The following IMMP2L variants were observed in gnomAD, a reference collection of about 807,000 sequenced individuals.
IMMP2L encodes mitochondrial inner membrane protease subunit 2.
Under a neutral mutation model 19.3 loss-of-function variants are expected in IMMP2L, and 18 were observed. The ratio of observed to expected loss-of-function variants is 0.93; its 90% CI spans 0.64 to 1.38. The LOEUF (loss-of-function observed/expected upper bound fraction) is 1.38, where lower values mean the gene tolerates loss of function less well. Ranked by LOEUF, IMMP2L falls within the 40% of genes most tolerant of loss-of-function variation. The probability of loss-of-function intolerance (pLI) is 0.00; values close to 1 mark genes in which losing one functional copy is unlikely to be tolerated. For synonymous variants in IMMP2L, 76 were observed against 73.0 expected, an observed-to-expected ratio of 1.04 and a Z score of -0.21; for missense variants, 233 against 218.2, an observed-to-expected ratio of 1.07 and a Z score of -0.43.
chr7:110,793,385 A>C (rs1398481586), intron 5 of IMMP2L, among the ~76,000 whole-genome samples: 2 of 151,832 alleles, frequency 1.3e-5, no homozygotes, highest in African/African-American at 4.8e-5. Flanking sequence ...ACACCACTGC[A>C]CTCTAGCCTG....
chr7:110,915,955 A>T (rs1813564765), intron 4 of IMMP2L, among the ~76,000 whole-genome samples: 1 of 152,154 alleles, frequency 6.6e-6, no homozygotes, highest in Non-Finnish European at 1.5e-5. Flanking sequence ...CTAATAAGGC[A>T]TTTCTTAGCC....
chr7:111,168,439 T>A (rs944968699), intron 3 of IMMP2L, among the ~76,000 whole-genome samples: 3 of 151,924 alleles, frequency 2.0e-5, no homozygotes, highest in Admixed American at 2.0e-4. Flanking sequence ...GCCAGTCTTA[T>A]AAGTTGAGAG....
chr7:111,052,690 C>T (rs888509229), intron 3 of IMMP2L, among the ~76,000 whole-genome samples: 1 of 152,184 alleles, frequency 6.6e-6, no homozygotes, highest in Non-Finnish European at 1.5e-5. Flanking sequence ...TGGCCACAGT[C>T]ACTCATATTT....
At chr7:111,239,295 T>C (rs956797230) in intron 3 of IMMP2L, among the ~76,000 whole-genome samples, 2 of 151,952 alleles carry the variant, frequency 1.3e-5, no homozygotes, top group Non-Finnish European at 2.9e-5. Context: ...ATATTCTTTA[T>C]GATCAAGCCT....
At chr7:111,131,896 A>T (rs1428769871) in intron 3 of IMMP2L, among the ~76,000 whole-genome samples, 1 of 151,830 alleles carries the variant, frequency 6.6e-6, no homozygotes, top group Non-Finnish European at 1.5e-5. Flanking sequence ...AAACCAAATG[A>T]CTCAACACCA....
chr7:110,884,311 A>G (rs982373011), intron 5 of IMMP2L, among the ~76,000 whole-genome samples: 2 of 152,018 alleles, frequency 1.3e-5, no homozygotes, highest in Non-Finnish European at 2.9e-5. Flanking sequence ...AATTACTGAG[A>G]GAAATGCTTA....
At chr7:110,775,381 C>G (rs957395921) in intron 5 of IMMP2L, among the ~76,000 whole-genome samples, 1 of 151,570 alleles carries the variant, frequency 6.6e-6, no homozygotes, top group African/African-American at 2.4e-5. Flanking sequence ...GGTAGTGTCA[C>G]CCGAAACAGA....
chr7:110,707,186 T>C (rs1440721675), intron 5 of IMMP2L, among the ~76,000 whole-genome samples: 2 of 66,638 alleles, frequency 3.0e-5, no homozygotes, highest in Non-Finnish European at 5.8e-5. Flanking sequence ...CCCCAGAGTG[T>C]GATATTCCCC....
chr7:111,097,963 C>A (rs1797581754), intron 3 of IMMP2L, among the ~76,000 whole-genome samples: 1 of 151,640 alleles, frequency 6.6e-6, no homozygotes, highest in Admixed American at 6.6e-5. Flanking sequence ...AAAGATAGAG[C>A]AAGCGAAAAG....
intron 4 of IMMP2L, among the ~76,000 whole-genome samples, chr7:110,890,132 C>A (rs1404049811): frequency 6.6e-6 from 1 of 152,194 alleles, no homozygotes; most frequent in Admixed American, 6.5e-5. Context: ...TACGGTTGCA[C>A]TGTGACTATA....
rs977886003 is a variant in IMMP2L at position 110,757,635 on chromosome 7, A to G, written c.409-93914T>C. On this transcript the variant is annotated intron_variant, in intron 5 of 5. Coordinates refer to ENST00000405709, the MANE Select transcript of IMMP2L (RefSeq NM_032549.4). This position sits in a 1 kb window ranked among gnomAD's most constrained non-coding sequence, Gnocchi z 4.2. ...ACCCATATCTCATATACCGGGTTCT[A>G]TAAGTGCTCCCAGCCCTTGTCCAGC... 2.0e-5 allele frequency among the ~76,000 whole-genome samples: 3 copies of G among 152,148 alleles called. No homozygotes were observed. The highest frequency in any genetic ancestry group is 4.8e-5 in the African/African-American group (2 of 41,442).
intron 5 of IMMP2L, among the ~76,000 whole-genome samples, chr7:110,666,986 C>A (rs143367086): frequency 6.6e-6 from 1 of 152,082 alleles, no homozygotes; most frequent in East Asian, 1.9e-4. Flanking sequence ...ATTCTCCTGC[C>A]TCAGCCTCCT....
rs151052140 is a variant in IMMP2L at position 111,516,560 on chromosome 7, T to C, written c.135+4753A>G. On this transcript the variant is annotated intron_variant, in intron 2 of 5. Transcript: ENST00000405709. ...ATAAAGTTGGTATTTAAATAACAGA[T>C]ATAACCCTGGCTATATAAAACAGAA... Among the ~76,000 whole-genome samples the C allele has an allele frequency of 3.9e-3, 597 of 152,160 alleles. 3 individuals carry two copies. The highest frequency in any genetic ancestry group is 0.013 in the African/African-American group (532 of 41,530).
At chr7:111,030,880 GTGTGTATATATATATA>G (rs1296160584) in intron 3 of IMMP2L, among the ~76,000 whole-genome samples, 2 of 17,182 alleles carry the variant, frequency 1.2e-4, no homozygotes, top group South Asian at 1.6e-3. Context: ...GTGTGTGTGT[GTGTGTATATATATATA>G]TATATATATA....
chr7:111,030,906 AT>A lies in IMMP2L; in HGVS notation c.240-67342del, dbSNP rs1563176347. Among the ~76,000 whole-genome samples, 8 of 141,004 alleles carry A rather than the reference AT, an allele frequency of 5.7e-5. 1 individual carries two copies. The highest frequency in any genetic ancestry group is 2.9e-4 in the Admixed American group (4 of 13,992). The allele number at this position is 141,004 out of a possible 152,430, so 92.5% of individuals were successfully genotyped here. ...TGTGTATATATATATATATATATAT[AT>A]ATATATATATATATATATAAAATAT... On this transcript the variant is annotated intron_variant, in intron 3 of 5. Transcript: ENST00000405709.
intron 3 of IMMP2L, among the ~76,000 whole-genome samples, chr7:111,179,530 T>C (rs1807472635): frequency 6.6e-6 from 1 of 152,046 alleles, no homozygotes; most frequent in South Asian, 2.1e-4. Flanking sequence ...GACTCTGTTG[T>C]TCCCTTTACA....
chr7:111,080,494 G>T (rs1795798440), intron 3 of IMMP2L, among the ~76,000 whole-genome samples: 1 of 87,244 alleles, frequency 1.1e-5, no homozygotes, highest in Non-Finnish European at 2.5e-5. Context: ...TATATATTAT[G>T]TGTGTATAAT....
At chr7:111,463,561 T>C (rs1840336923) in intron 3 of IMMP2L, among the ~76,000 whole-genome samples, 1 of 152,122 alleles carries the variant, frequency 6.6e-6, no homozygotes, top group Admixed American at 6.5e-5. Context: ...ACTTTTTTGG[T>C]AGCAACTACA....
At chr7:110,740,470 G>A (rs1403204329) in intron 5 of IMMP2L, among the ~76,000 whole-genome samples, 1 of 152,020 alleles carries the variant, frequency 6.6e-6, no homozygotes, top group African/African-American at 2.4e-5. Context: ...AAACCTAGAG[G>A]AGACAGATAA....
Sources: allele counts gnomAD v4.1 joint callset (sites outside exome capture counted in the v4.1 genomes callset), GRCh38; gene constraint gnomAD v4.1.1; non-coding constraint Gnocchi (gnomAD v3.1); transcripts MANE v1.5; gene names NCBI Gene and HGNC (gene_info 2026-07-23, HGNC 2026-07-21).